The following PRSS12 variants were observed in gnomAD, a reference collection of about 807,000 sequenced individuals.
PRSS12 encodes serine protease 12, also known as neurotrypsin.
In PRSS12, 85 loss-of-function variants were observed where a neutral mutation model predicts 104.4. The observed-to-expected ratio is 0.81, with a 90% CI of 0.68 to 0.98. The LOEUF (loss-of-function observed/expected upper bound fraction) is 0.98. Ranked by LOEUF, PRSS12 falls within the 50% of genes least tolerant of loss-of-function variation. The pLI, the probability that PRSS12 is intolerant of heterozygous loss-of-function variation, is 0.00. For synonymous variants in PRSS12, 454 were observed against 425.2 expected (o/e 1.07, Z -0.83); for missense variants, 1,141 against 1,139.2 (o/e 1.00, Z -0.02).
Position 118,281,802 on chromosome 4 carries a change from G to A in PRSS12, c.*134C>T. On this transcript the variant is annotated 3_prime_UTR_variant, in exon 13 of 13. Transcript: ENST00000296498. ...TCACAAATTTCTCAAAAGCAGCAGG[G>A]GGTACACAATTTTTTACCACAACAC... 1.4e-6 allele frequency: 1 copy of A among 700,334 alleles called. No individual in the cohort carries two copies. The highest frequency in any genetic ancestry group is 1.5e-5 in the South Asian group (1 of 65,626). The allele number at this position is 700,334 out of a possible 1,614,324, so 43.4% of individuals were successfully genotyped here. A position where few individuals can be genotyped will look rare whatever the true frequency, so the allele number is the denominator to read the frequency against.
In PRSS12 at chr4:118,282,826, C is replaced by T. The variant is rs1434720351; in HGVS notation, c.2320+5G>A. The T allele has an allele frequency of 6.8e-6, 11 of 1,613,924 alleles. No homozygotes were observed. The highest frequency in any genetic ancestry group is 8.5e-7 in the Non-Finnish European group (1 of 1,180,008). ...GGTGCCCTGCTTTTTTTGATTATGC[C>T]TTACCTGTGTCACCCCATCCTGTTA... On this transcript the variant is annotated splice_donor_5th_base_variant and intron_variant, in intron 12 of 12. Transcript: ENST00000296498.
chr4:118,300,311 C>T (rs990862277), intron 8 of PRSS12, among the ~76,000 whole-genome samples: 2 of 151,930 alleles, frequency 1.3e-5, no homozygotes, highest in African/African-American at 2.4e-5. Context: ...CCACACCTGG[C>T]CTAAAAGTAC....
chr4:118,315,261 C>G (rs1743875163), intron 6 of PRSS12, among the ~76,000 whole-genome samples: 2 of 151,972 alleles, frequency 1.3e-5, no homozygotes, highest in African/African-American at 2.4e-5. Flanking sequence ...ATTACTAGAG[C>G]TGATATGAAG....
At chr4:118,348,700 G>A (rs1301476677) in intron 1 of PRSS12, among the ~76,000 whole-genome samples, 2 of 148,786 alleles carry the variant, frequency 1.3e-5, no homozygotes, top group Non-Finnish European at 3.0e-5. Context: ...TGCCCAGACT[G>A]GAGTGCAATA....
chr4:118,305,125 A>T (rs183909251), intron 8 of PRSS12, among the ~76,000 whole-genome samples: 17 of 149,852 alleles, frequency 1.1e-4, no homozygotes, highest in Admixed American at 1.1e-3. Flanking sequence ...ATATATACAC[A>T]CACACACACA....
At chr4:118,303,001 C>A (rs1743438649) in intron 8 of PRSS12, among the ~76,000 whole-genome samples, 1 of 150,592 alleles carries the variant, frequency 6.6e-6, no homozygotes, top group African/African-American at 2.4e-5. Context: ...CAGATGATTC[C>A]CAGAAGTTTC....
chr4:118,324,889 T>A (rs1175207170), intron 4 of PRSS12, among the ~76,000 whole-genome samples: 1 of 151,994 alleles, frequency 6.6e-6, no homozygotes, highest in East Asian at 1.9e-4. Context: ...TTTTTGAATT[T>A]TTAGTAGAGA....
At chr4:118,343,801 T>G (rs1295355532) in intron 1 of PRSS12, among the ~76,000 whole-genome samples, 1 of 152,162 alleles carries the variant, frequency 6.6e-6, no homozygotes, top group African/African-American at 2.4e-5. Flanking sequence ...CTCATTAAAA[T>G]GTACTTATAA....
intron 1 of PRSS12, among the ~76,000 whole-genome samples, chr4:118,341,617 G>A (rs1724211630): frequency 6.7e-6 from 1 of 149,144 alleles, no homozygotes; most frequent in Non-Finnish European, 1.5e-5. Context: ...GGGAGGCTGA[G>A]GTTGCGGCGA....
At chr4:118,326,488 T>C (rs1382030046) in intron 4 of PRSS12, among the ~76,000 whole-genome samples, 1 of 152,212 alleles carries the variant, frequency 6.6e-6, no homozygotes, top group African/African-American at 2.4e-5. Flanking sequence ...GTAAAGTTTG[T>C]CTGACTACAG....
intron 10 of PRSS12, among the ~76,000 whole-genome samples, 154 bp from the exon 11 acceptor site, chr4:118,295,215 G>C (rs959235184): frequency 5.9e-5 from 9 of 152,148 alleles, no homozygotes; most frequent in Admixed American, 1.3e-4. Context: ...TTCCTACTTT[G>C]AGAAGGAGAC....
intron 1 of PRSS12, among the ~76,000 whole-genome samples, chr4:118,340,629 C>T (rs1345123771): frequency 6.6e-6 from 1 of 152,194 alleles, no homozygotes. Flanking sequence ...TTTGAACACA[C>T]GATTCATTCT....
intron 3 of PRSS12, among the ~76,000 whole-genome samples, chr4:118,332,393 T>C (rs928975658): frequency 6.6e-5 from 10 of 152,188 alleles, no homozygotes; most frequent in African/African-American, 2.4e-4. Flanking sequence ...CAGAACAATA[T>C]TGAAACTTCA....
At chr4:118,317,559 T>C (rs911585705) in intron 5 of PRSS12, among the ~76,000 whole-genome samples, 1 of 152,142 alleles carries the variant, frequency 6.6e-6, no homozygotes, top group South Asian at 2.1e-4. Flanking sequence ...GAGGGGAAAA[T>C]GGCAGTTCAA....
At chr4:118,294,409 T>C (rs1468182512) in intron 11 of PRSS12, among the ~76,000 whole-genome samples, 1 of 152,172 alleles carries the variant, frequency 6.6e-6, no homozygotes, top group Non-Finnish European at 1.5e-5. Flanking sequence ...CTGGTGACTC[T>C]GCATGACCTC....
chr4:118,313,466 A>C, intron 6 of PRSS12, 69 bp from the exon 7 acceptor site: 1 of 1,493,148 alleles, frequency 6.7e-7, no homozygotes, highest in South Asian at 1.1e-5. Context: ...CAAAACATTT[A>C]ACACAAGCAA....
Position 118,281,819 on chromosome 4 carries a change from C to T in PRSS12, c.*117G>A, listed in dbSNP as rs1390613752. 1 of 735,514 alleles carries T rather than the reference C, an allele frequency of 1.4e-6. No individual in the cohort carries two copies. The highest frequency in any genetic ancestry group is 1.9e-5 in the Admixed American group (1 of 54,036). The allele number at this position is 735,514 out of a possible 1,614,324, so 45.6% of individuals were successfully genotyped here. ...GCAGCAGGGGGTACACAATTTTTTA[C>T]CACAACACAAAGCAAAAACAGATCT... On this transcript the variant is annotated 3_prime_UTR_variant, in exon 13 of 13. Transcript: ENST00000296498.
intron 3 of PRSS12, among the ~76,000 whole-genome samples, chr4:118,333,491 A>G (rs1293880348): frequency 2.0e-5 from 3 of 152,230 alleles, no homozygotes; most frequent in African/African-American, 7.2e-5. Flanking sequence ...TAAGTTAACT[A>G]GCACTTACAA....
intron 9 of PRSS12, among the ~76,000 whole-genome samples, chr4:118,297,946 T>C (rs1743291686): frequency 2.0e-5 from 3 of 152,188 alleles, no homozygotes; most frequent in South Asian, 4.1e-4. Context: ...TAGACCAGCC[T>C]AGACAACACG....
Sources: gnomAD v4.1 joint callset for allele counts (sites outside exome capture counted in the v4.1 genomes callset) on GRCh38, gnomAD v4.1.1 for gene constraint, MANE v1.5 for transcripts, NCBI Gene and HGNC (gene_info 2026-07-23, HGNC 2026-07-21) for gene names.